DRC11: variants seen among roughly 807,000 people sequenced by gnomAD.
DRC11 encodes the protein IQ and AAA domain-containing protein 1.
chr2:236,343,227 C>T, the DRC11 span, among the ~76,000 whole-genome samples: 44 of 152,236 alleles, frequency 2.9e-4, no homozygotes, highest in African/African-American at 9.6e-4. This position sits in a 1 kb window ranked among gnomAD's most constrained non-coding sequence, Gnocchi z 6.6. Context: ...CTCTCAGAGG[C>T]CCCCTCTCAG....
the DRC11 span, among the ~76,000 whole-genome samples, chr2:236,499,903 T>G: frequency 6.6e-6 from 1 of 152,204 alleles, no homozygotes; most frequent in African/African-American, 2.4e-5. This position sits in a 1 kb window ranked among gnomAD's most constrained non-coding sequence, Gnocchi z 4.7. Flanking sequence ...CAAGTCATTA[T>G]TAAGCAGCCC....
chr2:236,438,561 C>T, the DRC11 span, among the ~76,000 whole-genome samples: 80 of 151,898 alleles, frequency 5.3e-4, no homozygotes, highest in Non-Finnish European at 7.5e-4. Flanking sequence ...GATATTGATT[C>T]TTCCTACCCA....
chr2:236,430,278 A>C, the DRC11 span, among the ~76,000 whole-genome samples: 1 of 152,186 alleles, frequency 6.6e-6, no homozygotes, highest in Non-Finnish European at 1.5e-5. This position sits in a 1 kb window ranked among gnomAD's most constrained non-coding sequence, Gnocchi z 6.0. Context: ...GTGAAAAGTA[A>C]TATGTCATTG....
At chr2:236,437,804 G>C in the DRC11 span, among the ~76,000 whole-genome samples, 1 of 148,776 alleles carries the variant, frequency 6.7e-6, no homozygotes, top group Non-Finnish European at 1.5e-5. Context: ...TTTTTTTCTT[G>C]TAAATTTGTT....
the DRC11 span, among the ~76,000 whole-genome samples, chr2:236,320,763 G>A: frequency 1.3e-4 from 20 of 152,222 alleles, no homozygotes; most frequent in South Asian, 3.9e-3. Context: ...TCACATAATG[G>A]CCCAGGGCGG....
At chr2:236,459,636 C>CGTATATACGTATATATGTATATACATAT in the DRC11 span, among the ~76,000 whole-genome samples, 678 of 132,900 alleles carry the variant, frequency 5.1e-3, 11 homozygotes, top group African/African-American at 0.018. Context: ...TACGTATATA[C>CGTATATACGTATATATGTATATACATAT]GTATATACGT....
At chr2:236,400,674 G>A in the DRC11 span, among the ~76,000 whole-genome samples, 306 of 152,266 alleles carry the variant, frequency 2.0e-3, 1 homozygote, top group East Asian at 1.7e-3. The surrounding 1 kb of genome is among the most constrained non-coding windows in gnomAD (Gnocchi z 7.9). Context: ...GTTGGGTGGC[G>A]CGGGCGTGCC....
chr2:236,338,417 G>T, the DRC11 span: 1 of 1,553,706 alleles, frequency 6.4e-7, no homozygotes, highest in South Asian at 1.2e-5. Flanking sequence ...TCCACATATA[G>T]AAAAAAAGAA....
the DRC11 span, among the ~76,000 whole-genome samples, chr2:236,339,045 G>A: frequency 6.6e-6 from 1 of 152,136 alleles, no homozygotes; most frequent in Non-Finnish European, 1.5e-5. Context: ...CCCCAGTGCA[G>A]ACAGCAAAGA....
chr2:236,360,833 C>G, the DRC11 span, among the ~76,000 whole-genome samples: 1 of 152,200 alleles, frequency 6.6e-6, no homozygotes, highest in South Asian at 2.1e-4. This position sits in a 1 kb window ranked among gnomAD's most constrained non-coding sequence, Gnocchi z 5.8. Flanking sequence ...CTTTGGACCA[C>G]AGACGAAGTC....
At chr2:236,389,440 C>T in the DRC11 span, among the ~76,000 whole-genome samples, 13 of 152,232 alleles carry the variant, frequency 8.5e-5, no homozygotes, top group African/African-American at 3.1e-4. Flanking sequence ...TGCCGTCCGT[C>T]ACCCCTTTCT....
the DRC11 span, among the ~76,000 whole-genome samples, chr2:236,459,673 G>A: frequency 1.4e-5 from 2 of 141,044 alleles, no homozygotes; most frequent in South Asian, 2.2e-4. Context: ...ACGTATATAC[G>A]TATATATGTA....
At chr2:236,341,213 G>A in the DRC11 span, among the ~76,000 whole-genome samples, 1 of 152,250 alleles carries the variant, frequency 6.6e-6, no homozygotes, top group African/African-American at 2.4e-5. Context: ...CGTGATGTCA[G>A]GGAGGCGCTT....
chr2:236,448,556 G>A, the DRC11 span, among the ~76,000 whole-genome samples: 3 of 151,984 alleles, frequency 2.0e-5, no homozygotes, highest in Admixed American at 6.6e-5. The surrounding 1 kb of genome is among the most constrained non-coding windows in gnomAD (Gnocchi z 5.3). Context: ...GGCTGGTCTC[G>A]AACTCCTGAG....
the DRC11 span, chr2:236,399,279 C>T: frequency 5.2e-6 from 4 of 769,074 alleles, no homozygotes; most frequent in East Asian, 5.0e-5. This position sits in a 1 kb window ranked among gnomAD's most constrained non-coding sequence, Gnocchi z 7.0. Flanking sequence ...CGCAAGCCAC[C>T]TCGCCTGGCC....
the DRC11 span, among the ~76,000 whole-genome samples, chr2:236,310,563 G>A: frequency 6.6e-6 from 1 of 152,202 alleles, no homozygotes; most frequent in Non-Finnish European, 1.5e-5. The surrounding 1 kb of genome is among the most constrained non-coding windows in gnomAD (Gnocchi z 5.5). Flanking sequence ...GAAATAATTT[G>A]CACGACCAAC....
the DRC11 span, among the ~76,000 whole-genome samples, chr2:236,357,342 A>G: frequency 1.7e-5 from 2 of 115,704 alleles, no homozygotes; most frequent in African/African-American, 8.0e-5. Context: ...ATATGAATAT[A>G]TATATTATAT....
the DRC11 span, among the ~76,000 whole-genome samples, chr2:236,407,036 C>T: frequency 7.9e-5 from 12 of 152,296 alleles, no homozygotes; most frequent in South Asian, 6.2e-4. Flanking sequence ...TGAGCCACCG[C>T]GCCCAGCCAC....
chr2:236,378,743 A>T, the DRC11 span, among the ~76,000 whole-genome samples: 2 of 150,760 alleles, frequency 1.3e-5, no homozygotes, highest in African/African-American at 4.9e-5. Flanking sequence ...ACCCTCCTCA[A>T]GGGATGGGAC....
Sources: allele counts gnomAD v4.1 joint callset (sites outside exome capture counted in the v4.1 genomes callset), GRCh38; gene constraint gnomAD v4.1.1; non-coding constraint Gnocchi (gnomAD v3.1); transcripts MANE v1.5; gene names NCBI Gene and HGNC (gene_info 2026-07-23, HGNC 2026-07-21).